Variants in SCARB2 observed in about 807,000 individuals in gnomAD.
The protein encoded by SCARB2 is lysosome membrane protein 2.
SCARB2 carries 29 observed loss-of-function variants against 58.6 expected under a neutral mutation model. The observed-to-expected ratio is 0.49, with a 90% CI of 0.37 to 0.67. The LOEUF (loss-of-function observed/expected upper bound fraction) is 0.67. Ranked by LOEUF, SCARB2 falls within the 30% of genes least tolerant of loss-of-function variation. The pLI is 0.00. For missense variants in SCARB2, 488 were observed against 578.5 expected, an observed-to-expected ratio of 0.84 and a Z score of 1.60; for synonymous variants, 195 against 210.1, an observed-to-expected ratio of 0.93 and a Z score of 0.62.
chr4:76,194,585 T>C (rs1331701570), intron 2 of SCARB2: 6 of 152,206 alleles, frequency 3.9e-5, no homozygotes, highest in African/African-American at 7.2e-5. Context: ...TACTGATTCA[T>C]AGCACATGAA....
intron 11 of SCARB2, 60 bp downstream of exon 11, chr4:76,163,165 A>G: frequency 6.2e-7 from 1 of 1,600,082 alleles, no homozygotes; most frequent in Non-Finnish European, 8.6e-7. Flanking sequence ...AGTGAAGTAC[A>G]GTTGAATTCC....
chr4:76,213,937 G>A (rs1391558146), upstream of SCARB2: 2 of 169,768 alleles, frequency 1.2e-5, no homozygotes. Flanking sequence ...GCAGTCATGT[G>A]CCCTGCGGCG....
rs1229333026 is a variant in SCARB2, at chr4:76,211,866, G to C, written c.117+1561C>G. 2.6e-5 allele frequency among the ~76,000 whole-genome samples: 4 copies of C among 152,216 alleles called. No homozygotes were observed. In the East Asian group the frequency reaches 7.7e-4, roughly 29 times the overall value. On this transcript the variant is annotated intron_variant, in intron 1 of 11. Coordinates refer to ENST00000264896, the MANE Select transcript of SCARB2 (RefSeq NM_005506.4). Reference sequence around the variant, plus strand: ...TCCTTAGCTGGGATTGAGCAGCTCTGAAAGTCCACTTCCCTGTACTATTAC... The same window carrying C: ...TCCTTAGCTGGGATTGAGCAGCTCTCAAAGTCCACTTCCCTGTACTATTAC...
chr4:76,196,916 G>A (rs1229575166), intron 1 of SCARB2, among the ~76,000 whole-genome samples: 5 of 152,142 alleles, frequency 3.3e-5, no homozygotes, highest in African/African-American at 7.2e-5. Context: ...ATTTGGAGTC[G>A]GGGTCTTTAA....
chr4:76,203,440 G>A (rs1368335861), intron 1 of SCARB2, among the ~76,000 whole-genome samples: 1 of 152,206 alleles, frequency 6.6e-6, no homozygotes, highest in African/African-American at 2.4e-5. Flanking sequence ...TGGTGTTTAA[G>A]GTTTTCAGAA....
At chr4:76,201,092 T>A (rs533341678) in intron 1 of SCARB2, among the ~76,000 whole-genome samples, 53 of 152,316 alleles carry the variant, frequency 3.5e-4, no homozygotes, top group Non-Finnish European at 7.4e-4. Context: ...GTAGGCACTT[T>A]ATGCACCAGT....
chr4:76,206,637 G>A (rs983832893), intron 1 of SCARB2, among the ~76,000 whole-genome samples: 3 of 151,556 alleles, frequency 2.0e-5, no homozygotes, highest in Admixed American at 6.6e-5. Flanking sequence ...GCATTTGGCA[G>A]TAAGAAAAGA....
chr4:76,208,368 T>TA (rs1236529874), intron 1 of SCARB2, among the ~76,000 whole-genome samples: 1 of 152,266 alleles, frequency 6.6e-6, no homozygotes, highest in Non-Finnish European at 1.5e-5. Flanking sequence ...GCTTAGGAGT[T>TA]AGAGAATCTT....
intron 2 of SCARB2, 88 bp from the exon 3 acceptor site, chr4:76,181,189 T>G: frequency 7.7e-7 from 1 of 1,305,542 alleles, no homozygotes; most frequent in Non-Finnish European, 1.1e-6. Context: ...AAGTTATATT[T>G]TCAATATAAC....
chr4:76,195,797 G>C lies in SCARB2; in HGVS notation c.185C>G (p.Thr62Ser). ...GGTGACATTGAAGAAATAGAACTGA[G>C]TATACACAGGCAGAGGGGGCTTCTC... is the stretch of plus-strand genomic sequence containing the variant. ...SWEKPPLPVYTQFYFFNVTNP... is the reference protein window; with the variant it reads ...SWEKPPLPVYSQFYFFNVTNP... The change falls in exon 2 of 12, where the codon ACT (threonine) becomes AGT (serine). Residue 62 changes from threonine (T) to serine (S), a missense_variant. Physicochemically the swap from Thr to Ser is moderately conservative, Grantham distance 58. Transcript: ENST00000264896. The C allele has an allele frequency of 6.2e-7, 1 of 1,613,514 alleles. No homozygotes were observed. The highest frequency in any genetic ancestry group is 8.5e-7 in the Non-Finnish European group (1 of 1,179,412).
chr4:76,183,727 GT>G (rs1732431856), intron 2 of SCARB2, among the ~76,000 whole-genome samples: 1 of 152,178 alleles, frequency 6.6e-6, no homozygotes, highest in African/African-American at 2.4e-5. Context: ...CTCCTGGGAG[GT>G]TGGGGGGTGG....
In SCARB2 at chr4:76,174,118, A is replaced by G. The variant is rs3821981; in HGVS notation, c.994+26T>C. The G allele has an allele frequency of 0.17, 266,544 of 1,611,636 alleles. 25,312 individuals carry two copies. The highest frequency in any genetic ancestry group is 0.39 in the African/African-American group (29,319 of 74,794). On this transcript the variant is annotated intron_variant, in intron 7 of 11. Coordinates refer to ENST00000264896, the MANE Select transcript of SCARB2 (RefSeq NM_005506.4). ...ATCCTTCTGCATTCTTGACACCCCT[A>G]TCATGTCCCCTCTCTGAGTTCTTAC...
At chr4:76,185,514 A>G (rs1259549989) in intron 2 of SCARB2, among the ~76,000 whole-genome samples, 1 of 152,226 alleles carries the variant, frequency 6.6e-6, no homozygotes, top group Non-Finnish European at 1.5e-5. Context: ...CTTGTCATTA[A>G]GACAAGGTTC....
intron 7 of SCARB2, 29 bp downstream of exon 7, chr4:76,174,115 C>A (rs1362833912): frequency 6.2e-7 from 1 of 1,612,356 alleles, no homozygotes; most frequent in South Asian, 1.1e-5. Context: ...TCTTGACACC[C>A]CTATCATGTC....
rs781041677 is a variant in SCARB2 at position 76,173,845 on chromosome 4, AT to A, written c.994+298del. The A allele has an allele frequency of 1.2e-3, 448 of 360,232 alleles. 1 individual carries two copies. Among genetic ancestry groups the A allele is most frequent in the African/African-American group, 3.3e-3 (161 of 48,164 alleles). The allele number at this position is 360,232 out of a possible 1,614,324, so 22.3% of individuals were successfully genotyped here. Reference sequence around the variant, plus strand: ...TAAAAAGCATCACAGAAAAGCCATGATTTTTTTTTACCATTCAATAGCCATG... The same window carrying A: ...TAAAAAGCATCACAGAAAAGCCATGATTTTTTTTACCATTCAATAGCCATG... On this transcript the variant is annotated intron_variant, in intron 7 of 11. Transcript: ENST00000264896.
chr4:76,216,006 C>T (rs893273387), upstream of SCARB2, among the ~76,000 whole-genome samples: 3 of 152,194 alleles, frequency 2.0e-5, no homozygotes, highest in Non-Finnish European at 4.4e-5. Flanking sequence ...GCTACCAAAG[C>T]TCTTCAAGCA....
intron 1 of SCARB2, among the ~76,000 whole-genome samples, chr4:76,211,747 A>T (rs2109972248): frequency 6.6e-6 from 1 of 152,288 alleles, no homozygotes; most frequent in South Asian, 2.1e-4. Context: ...CAGAATAGCG[A>T]TGTGTGACTT....
At chr4:76,166,836 C>T (rs772928491) in intron 9 of SCARB2, 15 of 155,474 alleles carry the variant, frequency 9.6e-5, no homozygotes, top group Non-Finnish European at 1.7e-4. Context: ...AAATGTAATT[C>T]CACTTTGCTT....
intron 6 of SCARB2, chr4:76,174,547 A>G (rs559016181): frequency 1.3e-4 from 64 of 509,814 alleles, no homozygotes; most frequent in Admixed American, 3.2e-5. Flanking sequence ...AGAAAAAACA[A>G]TATGTGGTAC....
Sources: gnomAD v4.1 joint callset for allele counts (sites outside exome capture counted in the v4.1 genomes callset) on GRCh38, gnomAD v4.1.1 for gene constraint, MANE v1.5 for transcripts, NCBI Gene and HGNC (gene_info 2026-07-23, HGNC 2026-07-21) for gene names.